The following ZDHHC2 variants were observed in gnomAD, a reference collection of about 807,000 sequenced individuals.
ZDHHC2 encodes the protein zDHHC palmitoyltransferase 2.
A neutral mutation model predicts 55.6 loss-of-function variants in ZDHHC2; 51 were observed. That is an observed-to-expected ratio of 0.92 (90% confidence interval 0.73 to 1.16). ZDHHC2 has a LOEUF of 1.16. ZDHHC2 is among the 50% of genes most tolerant of loss of function. ZDHHC2 has a pLI of 0.00. For synonymous variants in ZDHHC2, 199 were observed against 152.9 expected, an observed-to-expected ratio of 1.30 and a Z score of -2.22; for missense variants, 491 against 442.4, an observed-to-expected ratio of 1.11 and a Z score of -0.99.
chr8:17,215,722 A>G (rs935804739), intron 11 of ZDHHC2, among the ~76,000 whole-genome samples: 22 of 152,212 alleles, frequency 1.4e-4, no homozygotes, highest in Non-Finnish European at 5.9e-5. Context: ...ATTCAGTTCT[A>G]TCTTTTACTC....
chr8:17,197,441 G>T, intron 4 of ZDHHC2, 141 bp from the exon 5 acceptor site: 2 of 720,644 alleles, frequency 2.8e-6, no homozygotes, highest in East Asian at 5.8e-5. Flanking sequence ...TATTTAAACA[G>T]CATCAAATAT....
At chr8:17,161,875 T>G (rs79651484) in intron 1 of ZDHHC2, among the ~76,000 whole-genome samples, 1,920 of 151,934 alleles carry the variant, frequency 0.013, 47 homozygotes, top group African/African-American at 0.043. Context: ...AAATAAAAAA[T>G]AAAAAAAAGA....
chr8:17,191,493 C>T (rs1327747050), intron 3 of ZDHHC2, among the ~76,000 whole-genome samples: 1 of 152,208 alleles, frequency 6.6e-6, no homozygotes, highest in Non-Finnish European at 1.5e-5. Flanking sequence ...TGGTTGCCAT[C>T]CTTTTATTCT....
rs755941128 is a variant in ZDHHC2, at chr8:17,186,382, A to G, written c.209A>G (p.Tyr70Cys). ...HLLFAMFVWSYWKTIFTLPMN... is the reference protein window; with the variant it reads ...HLLFAMFVWSCWKTIFTLPMN... ...CTTTTTGCAATGTTTGTCTGGTCAT[A>G]CTGGAAAACTATCTTTACATTACCA... The change falls in exon 3 of 13, where the codon TAC (tyrosine) becomes TGC (cysteine). Residue 70 changes from tyrosine (Y) to cysteine (C), a missense_variant. Coordinates refer to ENST00000262096, the MANE Select transcript of ZDHHC2 (RefSeq NM_016353.5). 6.3e-7 allele frequency: 1 copy of G among 1,588,290 alleles called. No homozygotes were observed. Among genetic ancestry groups the G allele is most frequent in the Non-Finnish European group, 8.5e-7 (1 of 1,171,574 alleles).
intron 1 of ZDHHC2, among the ~76,000 whole-genome samples, chr8:17,161,881 AAAG>A (rs1157902086): frequency 1.3e-5 from 2 of 152,234 alleles, no homozygotes; most frequent in Admixed American, 6.5e-5. Context: ...AAAATAAAAA[AAAG>A]AAATTATTAG....
intron 6 of ZDHHC2, among the ~76,000 whole-genome samples, chr8:17,205,165 CTCCCAT>C (rs1807037868): frequency 6.6e-6 from 1 of 152,192 alleles, no homozygotes. Context: ...TTTCTTAAAG[CTCCCAT>C]TTAATATGCT....
intron 12 of ZDHHC2, among the ~76,000 whole-genome samples, chr8:17,218,826 C>T (rs1371852029): frequency 6.6e-6 from 1 of 152,140 alleles, no homozygotes; most frequent in African/African-American, 2.4e-5. Flanking sequence ...TAAACTTTCC[C>T]TAAAGTAGCT....
chr8:17,166,222 A>C (rs146586188), intron 1 of ZDHHC2, among the ~76,000 whole-genome samples: 1 of 152,228 alleles, frequency 6.6e-6, no homozygotes, highest in African/African-American at 2.4e-5. Context: ...GGTGTGTGAA[A>C]CCGTGGCGTG....
At chr8:17,191,272 T>C (rs953810881) in intron 3 of ZDHHC2, among the ~76,000 whole-genome samples, 1 of 152,022 alleles carries the variant, frequency 6.6e-6, no homozygotes, top group Non-Finnish European at 1.5e-5. Flanking sequence ...AATTTTTGTA[T>C]TTTTAATAGA....
intron 3 of ZDHHC2, among the ~76,000 whole-genome samples, chr8:17,187,665 A>G (rs1049246159): frequency 1.3e-5 from 2 of 151,356 alleles, no homozygotes; most frequent in Admixed American, 6.6e-5. Flanking sequence ...CTTTTCCATC[A>G]TCTCTCTTAC....
intron 8 of ZDHHC2, among the ~76,000 whole-genome samples, chr8:17,208,303 T>C (rs1224077743): frequency 1.3e-5 from 2 of 149,604 alleles, no homozygotes; most frequent in African/African-American, 4.9e-5. Context: ...TGTATATATA[T>C]ATGAGACTAT....
intron 12 of ZDHHC2, among the ~76,000 whole-genome samples, chr8:17,218,552 T>G (rs916471626): frequency 2.6e-5 from 4 of 152,138 alleles, no homozygotes; most frequent in Non-Finnish European, 5.9e-5. Flanking sequence ...AATACCAGTA[T>G]TGTGGTTATT....
chr8:17,184,439 A>G (rs1390778896), intron 1 of ZDHHC2, among the ~76,000 whole-genome samples: 2 of 152,238 alleles, frequency 1.3e-5, no homozygotes, highest in Non-Finnish European at 2.9e-5. Flanking sequence ...AAATGTAATG[A>G]CCTGGAGAGC....
intron 1 of ZDHHC2, chr8:17,162,951 A>T (rs1804420994): frequency 6.6e-6 from 1 of 152,262 alleles, no homozygotes; most frequent in African/African-American, 2.4e-5. Context: ...AGTGGTTGAC[A>T]TAGTCTCAGA....
rs1023811064 is a variant in ZDHHC2, at chr8:17,159,926, G to C, written c.130+3073G>C. ...CCTCTCTCCACTCCTGGCTTCTTTT[G>C]TGTTTTAACTCTCTTTGCTCTCTTT... On this transcript the variant is annotated intron_variant, in intron 1 of 12. Coordinates refer to ENST00000262096, the MANE Select transcript of ZDHHC2 (RefSeq NM_016353.5). Among the ~76,000 whole-genome samples the C allele has an allele frequency of 3.9e-5, 6 of 152,004 alleles. No individual in the cohort carries two copies. In the East Asian group the frequency reaches 5.8e-4, roughly 15 times the overall value.
At chr8:17,196,175 T>C (rs1806297487) in intron 4 of ZDHHC2, among the ~76,000 whole-genome samples, 2 of 152,146 alleles carry the variant, frequency 1.3e-5, no homozygotes, top group Non-Finnish European at 2.9e-5. Flanking sequence ...ACTATCCACT[T>C]AAACAGTTGT....
At chr8:17,189,290 C>G (rs575319544) in intron 3 of ZDHHC2, among the ~76,000 whole-genome samples, 1 of 152,036 alleles carries the variant, frequency 6.6e-6, no homozygotes, top group Non-Finnish European at 1.5e-5. Flanking sequence ...GAATAGCAAC[C>G]CCACTACCCT....
chr8:17,178,675 G>T, intron 1 of ZDHHC2, among the ~76,000 whole-genome samples: 1 of 152,180 alleles, frequency 6.6e-6, no homozygotes, highest in South Asian at 2.1e-4. Context: ...TTGCTTGGTA[G>T]TTCAGTCAAA....
intron 1 of ZDHHC2, among the ~76,000 whole-genome samples, chr8:17,158,363 A>G (rs1804169882): frequency 6.6e-6 from 1 of 152,174 alleles, no homozygotes; most frequent in Non-Finnish European, 1.5e-5. Flanking sequence ...CCTGCAAAGA[A>G]GGGACATCCT....
Sources: gnomAD v4.1 joint callset for allele counts (sites outside exome capture counted in the v4.1 genomes callset) on GRCh38, gnomAD v4.1.1 for gene constraint, MANE v1.5 for transcripts, NCBI Gene and HGNC (gene_info 2026-07-23, HGNC 2026-07-21) for gene names.